FBXO32: variants seen among roughly 807,000 people sequenced by gnomAD.
FBXO32 encodes the protein F-box only protein 32.
In FBXO32, 15 loss-of-function variants were observed where a neutral mutation model predicts 48.3. The ratio of observed to expected loss-of-function variants is 0.31; its 90% CI spans 0.21 to 0.48. The LOEUF (loss-of-function observed/expected upper bound fraction) is 0.48. FBXO32 is among the 20% of genes least tolerant of loss of function. The probability of loss-of-function intolerance (pLI) is 0.99; values close to 1 mark genes in which losing one functional copy is unlikely to be tolerated. For missense variants in FBXO32, 309 were observed against 432.7 expected (o/e 0.71, Z 2.54); for synonymous variants, 154 against 165.9 (o/e 0.93, Z 0.55).
chr8:123,498,934 C>T lies in FBXO32; in HGVS notation c.*4439G>A, dbSNP rs1198092447. ...AAGAATCAGGGACTTGAAATGGAAA[C>T]GTTAACAGCCACATGCCCAATGCTG... On this transcript the variant is annotated 3_prime_UTR_variant, in exon 9 of 9. Transcript: ENST00000517956. The T allele has an allele frequency of 1.3e-5, 2 of 152,154 alleles. No homozygotes were observed. Among genetic ancestry groups the T allele is most frequent in the South Asian group, 2.1e-4 (1 of 4,828 alleles). The allele number at this position is 152,154 out of a possible 1,614,324, so 9.4% of individuals were successfully genotyped here.
intron 7 of FBXO32, 59 bp from the exon 8 acceptor site, chr8:123,504,806 G>T: frequency 6.5e-7 from 1 of 1,550,062 alleles, no homozygotes. Context: ...GATGGCTTGT[G>T]GTTTTCCGGT....
At chr8:123,535,826 G>GTTTTTTTTTTTTTTT (rs149011780) in intron 1 of FBXO32, among the ~76,000 whole-genome samples, 1 of 133,454 alleles carries the variant, frequency 7.5e-6, no homozygotes. Context: ...ATAAATTAGG[G>GTTTTTTTTTTTTTTT]GTTTTTTTTT....
At chr8:123,522,276 C>G (rs1816971765) in intron 4 of FBXO32, among the ~76,000 whole-genome samples, 1 of 142,830 alleles carries the variant, frequency 7.0e-6, no homozygotes, top group South Asian at 2.2e-4. Context: ...GTAGTGTGAG[C>G]TGGCTCACTG....
chr8:123,504,294 G>A (rs1292887586), intron 8 of FBXO32, among the ~76,000 whole-genome samples: 2 of 152,062 alleles, frequency 1.3e-5, no homozygotes, highest in South Asian at 4.2e-4. Flanking sequence ...AATTTTATAA[G>A]TCTGGAAAAA....
At chr8:123,535,651 G>T (rs1587004246) in intron 1 of FBXO32, among the ~76,000 whole-genome samples, 1 of 152,110 alleles carries the variant, frequency 6.6e-6, no homozygotes, top group East Asian at 1.9e-4. Context: ...CATTTGAGGG[G>T]TAATGAACTA....
chr8:123,515,798 C>T (rs1816828088), intron 4 of FBXO32, among the ~76,000 whole-genome samples: 1 of 151,944 alleles, frequency 6.6e-6, no homozygotes, highest in Non-Finnish European at 1.5e-5. Flanking sequence ...TCAAGACCAG[C>T]CTGGCCAACA....
chr8:123,532,423 T>A (rs1383060931), intron 3 of FBXO32, among the ~76,000 whole-genome samples: 1 of 152,234 alleles, frequency 6.6e-6, no homozygotes, highest in African/African-American at 2.4e-5. Flanking sequence ...CCTTGCCTTA[T>A]ACCAATAGTG....
rs1300964561 is a variant in FBXO32, at chr8:123,499,360, A to T, written c.*4013T>A. The T allele has an allele frequency of 6.6e-6, 1 of 152,054 alleles. No individual in the cohort carries two copies. Among genetic ancestry groups the T allele is most frequent in the East Asian group, 1.9e-4 (1 of 5,186 alleles). The allele number at this position is 152,054 out of a possible 1,614,324, so 9.4% of individuals were successfully genotyped here. A position where few individuals can be genotyped will look rare whatever the true frequency, so the allele number is the denominator to read the frequency against. On this transcript the variant is annotated 3_prime_UTR_variant, in exon 9 of 9. Transcript: ENST00000517956. ...ATATATCAAAGAACAACATCTCTGT[A>T]TTGGCCTACAGGTTCAGAGTGTTTT... is the stretch of plus-strand genomic sequence containing the variant.
rs566302884 is a variant in FBXO32, at chr8:123,501,087, G to A, written c.*2286C>T. The A allele has an allele frequency of 1.3e-5, 2 of 152,316 alleles. No individual in the cohort carries two copies. Among genetic ancestry groups the A allele is most frequent in the Admixed American group, 6.5e-5 (1 of 15,296 alleles). The allele number at this position is 152,316 out of a possible 1,614,324, so 9.4% of individuals were successfully genotyped here. A position where few individuals can be genotyped will look rare whatever the true frequency, so the allele number is the denominator to read the frequency against. ...TTTCTGCGACTGCAAACCTGAAGGCGACGAGGAGTTTCTACTTTCTTGATC... is the reference window on the plus strand; with the variant it reads ...TTTCTGCGACTGCAAACCTGAAGGCAACGAGGAGTTTCTACTTTCTTGATC... On this transcript the variant is annotated 3_prime_UTR_variant, in exon 9 of 9. Transcript: ENST00000517956.
At chr8:123,505,881 T>G (rs1816606384) in intron 7 of FBXO32, among the ~76,000 whole-genome samples, 2 of 152,106 alleles carry the variant, frequency 1.3e-5, no homozygotes, top group South Asian at 4.2e-4. Flanking sequence ...GTTTAATTTT[T>G]TCCATAAAAA....
At chr8:123,515,990 T>TTAAAAAA (rs1327894079) in intron 4 of FBXO32, among the ~76,000 whole-genome samples, 1 of 152,158 alleles carries the variant, frequency 6.6e-6, no homozygotes, top group Admixed American at 6.5e-5. Flanking sequence ...AGACTCCATC[T>TTAAAAAA]TAAAAAATAA....
chr8:123,519,857 G>A (rs1439855287), intron 4 of FBXO32, among the ~76,000 whole-genome samples: 2 of 151,984 alleles, frequency 1.3e-5, no homozygotes, highest in African/African-American at 2.4e-5. Flanking sequence ...GCGTGATTTC[G>A]GCTCATTGCA....
intron 4 of FBXO32, 84 bp from the exon 5 acceptor site, chr8:123,514,417 G>A (rs1231735311): frequency 6.9e-6 from 7 of 1,010,162 alleles, no homozygotes; most frequent in South Asian, 1.6e-5. Flanking sequence ...CCCATGACAC[G>A]TGGATACAGA....
Position 123,530,684 on chromosome 8 carries a change from C to T in FBXO32, c.372+1214G>A, listed in dbSNP as rs186919872. 2.9e-3 allele frequency among the ~76,000 whole-genome samples: 436 copies of T among 151,536 alleles called. 1 individual carries two copies. Among genetic ancestry groups the T allele is most frequent in the African/African-American group, 0.01 (413 of 41,278 alleles). On this transcript the variant is annotated intron_variant, in intron 4 of 8. Transcript: ENST00000517956. ...AGGCTGGAGTGCAATGGCGCCATCT[C>T]GCTCACTGCAACCTCCGCCTCCTGG... is the stretch of plus-strand genomic sequence containing the variant.
chr8:123,504,519 G>A, intron 8 of FBXO32, 85 bp downstream of exon 8: 6 of 1,263,964 alleles, frequency 4.7e-6, no homozygotes, highest in East Asian at 4.0e-5. Flanking sequence ...AGGCGGAAAG[G>A]CGCTGGCCTC....
chr8:123,539,337 C>A (rs1457115356), intron 1 of FBXO32, among the ~76,000 whole-genome samples: 1 of 152,040 alleles, frequency 6.6e-6, no homozygotes, highest in Non-Finnish European at 1.5e-5. Flanking sequence ...TCCTTAGGAA[C>A]AAGGAGGAAG....
intron 4 of FBXO32, among the ~76,000 whole-genome samples, chr8:123,528,500 A>T (rs923983031): frequency 1.3e-5 from 2 of 152,174 alleles, no homozygotes; most frequent in Non-Finnish European, 2.9e-5. Flanking sequence ...CTGTTTCTAG[A>T]GATGTGAAAT....
chr8:123,518,880 G>A (rs899190365), intron 4 of FBXO32, among the ~76,000 whole-genome samples: 1 of 151,958 alleles, frequency 6.6e-6, no homozygotes, highest in Non-Finnish European at 1.5e-5. Context: ...GGAGTGCAGT[G>A]GCACAGTCAT....
In FBXO32 at chr8:123,500,734, C is replaced by T. The variant is rs1816464626; in HGVS notation, c.*2639G>A. 6.6e-6 allele frequency: 1 copy of T among 152,190 alleles called. No individual in the cohort carries two copies. The highest frequency in any genetic ancestry group is 6.5e-5 in the Admixed American group (1 of 15,280). 9.4% of individuals were successfully genotyped at this position (152,190 alleles called of 1,614,324 possible). On this transcript the variant is annotated 3_prime_UTR_variant, in exon 9 of 9. Coordinates refer to ENST00000517956, the MANE Select transcript of FBXO32 (RefSeq NM_058229.4). ...AAGACATGCCATTTCTATTCCTTTC[C>T]CCCTCCCTCTCTACCTGCCATTTCT...
Sources: gnomAD v4.1 joint callset for allele counts (sites outside exome capture counted in the v4.1 genomes callset) on GRCh38, gnomAD v4.1.1 for gene constraint, MANE v1.5 for transcripts, NCBI Gene and HGNC (gene_info 2026-07-23, HGNC 2026-07-21) for gene names.